SLC17A5: variants seen among roughly 807,000 people sequenced by gnomAD.
SLC17A5 encodes the protein solute carrier family 17 member 5.
SLC17A5 carries 47 observed loss-of-function variants against 59.4 expected under a neutral mutation model. The ratio of observed to expected loss-of-function variants is 0.79; its 90% CI spans 0.63 to 1.01. The LOEUF is 1.01. Among genes scored for constraint, SLC17A5 ranks in the 50% least tolerant of loss-of-function variants. The pLI is 0.00. For missense variants in SLC17A5, 522 were observed against 595.5 expected, an observed-to-expected ratio of 0.88 and a Z score of 1.28; for synonymous variants, 202 against 210.7, an observed-to-expected ratio of 0.96 and a Z score of 0.36.
At chr6:73,619,638 C>T (rs570050) in intron 7 of SLC17A5, among the ~76,000 whole-genome samples, 24,538 of 151,896 alleles carry the variant, frequency 0.16, 3,017 homozygotes, top group African/African-American at 0.34. Context: ...GAATTATTTT[C>T]AAACTCTATT....
chr6:73,622,298 C>CTTT (rs1189610313), intron 6 of SLC17A5, among the ~76,000 whole-genome samples: 14 of 116,776 alleles, frequency 1.2e-4, no homozygotes, highest in Non-Finnish European at 1.8e-4. Flanking sequence ...TTCTTTCTTT[C>CTTT]TTTTTTTTTT....
intron 6 of SLC17A5, among the ~76,000 whole-genome samples, chr6:73,629,670 G>A (rs76245011): frequency 0.16 from 24,786 of 151,798 alleles, 3,119 homozygotes; most frequent in African/African-American, 0.35. Context: ...AGCTACTTGG[G>A]AGGCTGAGGC....
chr6:73,616,580 CGT>C (rs1767882867), intron 7 of SLC17A5, among the ~76,000 whole-genome samples: 1 of 100,082 alleles, frequency 1.0e-5, no homozygotes, highest in Non-Finnish European at 2.4e-5. Flanking sequence ...CACACACACA[CGT>C]TTATTTTTAA....
chr6:73,606,227 G>C (rs1288385740), intron 9 of SLC17A5, among the ~76,000 whole-genome samples: 1 of 151,944 alleles, frequency 6.6e-6, no homozygotes, highest in Non-Finnish European at 1.5e-5. Flanking sequence ...ATTTTTAGTA[G>C]AGATGGGGTT....
At chr6:73,599,716 GAGA>G (rs1015158481) in intron 10 of SLC17A5, among the ~76,000 whole-genome samples, 5 of 152,218 alleles carry the variant, frequency 3.3e-5, no homozygotes, top group Non-Finnish European at 7.3e-5. Context: ...GGTAGATGTG[GAGA>G]AGAAGTAGGA....
At chr6:73,623,810 G>A (rs1174396610) in intron 6 of SLC17A5, among the ~76,000 whole-genome samples, 1 of 151,786 alleles carries the variant, frequency 6.6e-6, no homozygotes, top group Non-Finnish European at 1.5e-5. Flanking sequence ...TGATTCTCCT[G>A]CCTCAGCCTC....
intron 6 of SLC17A5, among the ~76,000 whole-genome samples, chr6:73,625,569 A>C (rs148666810): frequency 6.6e-6 from 1 of 152,260 alleles, no homozygotes; most frequent in East Asian, 1.9e-4. Context: ...CTTTTACAGC[A>C]GTGGTTTTCA....
intron 3 of SLC17A5, among the ~76,000 whole-genome samples, chr6:73,640,516 T>C (rs1769228496): frequency 6.6e-6 from 1 of 152,220 alleles, no homozygotes. Flanking sequence ...GGTTTCACTG[T>C]TAGATACAAT....
intron 9 of SLC17A5, among the ~76,000 whole-genome samples, chr6:73,602,364 G>A (rs1473453068): frequency 6.7e-6 from 1 of 149,602 alleles, no homozygotes; most frequent in East Asian, 1.9e-4. Context: ...TTTATCTGCC[G>A]ACCTTCCCTC....
chr6:73,651,284 A>G (rs1769846735), intron 1 of SLC17A5, among the ~76,000 whole-genome samples: 3 of 151,546 alleles, frequency 2.0e-5, no homozygotes, highest in African/African-American at 4.8e-5. Context: ...AACATGGTGA[A>G]ACTCCGTCTC....
At chr6:73,603,904 AAAAAAC>A (rs564929461) in intron 9 of SLC17A5, among the ~76,000 whole-genome samples, 87 of 149,164 alleles carry the variant, frequency 5.8e-4, no homozygotes, top group Non-Finnish European at 8.9e-4. Flanking sequence ...TGTTTTTGGT[AAAAAAC>A]AAAAACAAAA....
At chr6:73,612,969 C>G (rs1360628277) in intron 8 of SLC17A5, among the ~76,000 whole-genome samples, 4 of 151,926 alleles carry the variant, frequency 2.6e-5, no homozygotes, top group Non-Finnish European at 5.9e-5. Flanking sequence ...GGGAGAATTA[C>G]TTGTGCCTAG....
intron 7 of SLC17A5, among the ~76,000 whole-genome samples, chr6:73,621,130 C>T (rs1236140677): frequency 6.6e-6 from 1 of 152,008 alleles, no homozygotes. Flanking sequence ...CTCAACCTCT[C>T]GAGTAGCTGG....
At chr6:73,625,658 G>A (rs941163877) in intron 6 of SLC17A5, among the ~76,000 whole-genome samples, 1 of 145,224 alleles carries the variant, frequency 6.9e-6, no homozygotes, top group African/African-American at 2.8e-5. Flanking sequence ...AAACAAGTAA[G>A]GCAAAAAAAC....
Position 73,641,818 on chromosome 6 carries a change from A to G in SLC17A5, c.398T>C (p.Ile133Thr). 5 of 1,614,058 alleles carry G rather than the reference A, an allele frequency of 3.1e-6. No individual in the cohort carries two copies. The highest frequency in any genetic ancestry group is 3.4e-6 in the Non-Finnish European group (4 of 1,180,004). The change falls in exon 3 of 11, where the codon ATA becomes ACA. Residue 133 changes from isoleucine to threonine, a missense_variant. Ile to Thr is a moderately conservative substitution (Grantham distance 89, BLOSUM62 -1). Around this residue, in one of 3 missense-constraint regions of SLC17A5, gnomAD observed 338 missense variants for 363.8 expected, o/e 0.93. Coordinates refer to ENST00000355773, the MANE Select transcript of SLC17A5 (RefSeq NM_012434.5). ...QIPGGYVASK[I>T]GGKMLLGFGI... ...AAATCCTAGCAGCATTTTCCCCCCT[A>G]TTTTGCTGGCAACATATCCTCCAGG...
chr6:73,620,926 A>G (rs1768114172), intron 7 of SLC17A5, among the ~76,000 whole-genome samples: 1 of 151,822 alleles, frequency 6.6e-6, no homozygotes, highest in South Asian at 2.1e-4. Flanking sequence ...GTTTTGCTGT[A>G]TTATCCAATC....
chr6:73,616,437 ATC>A (rs1767871627), intron 7 of SLC17A5, among the ~76,000 whole-genome samples: 1 of 152,048 alleles, frequency 6.6e-6, no homozygotes, highest in Non-Finnish European at 1.5e-5. Flanking sequence ...GTCTCTTTAA[ATC>A]TGTAAGTTCC....
chr6:73,635,351 CAT>C, intron 6 of SLC17A5, 29 bp downstream of exon 6: 1 of 1,230,202 alleles, frequency 8.1e-7, no homozygotes, highest in Non-Finnish European at 1.2e-6. Flanking sequence ...AAGTTTCTGA[CAT>C]TATTTTTAAA....
intron 6 of SLC17A5, among the ~76,000 whole-genome samples, chr6:73,634,020 T>A (rs1259897553): frequency 6.6e-6 from 1 of 152,174 alleles, no homozygotes. Flanking sequence ...TATATTTTAA[T>A]CTTTCCTAAT....
Sources: gnomAD v4.1 joint callset for allele counts (sites outside exome capture counted in the v4.1 genomes callset) on GRCh38, gnomAD v4.1.1 for gene constraint, gnomAD v4.1.1 regional missense constraint, MANE v1.5 for transcripts, NCBI Gene and HGNC (gene_info 2026-07-23, HGNC 2026-07-21) for gene names.